WDFY1: variants seen among roughly 807,000 people sequenced by gnomAD.
WDFY1 encodes WD repeat and FYVE domain-containing protein 1.
WDFY1 carries 32 observed loss-of-function variants against 56.4 expected under a neutral mutation model. The ratio of observed to expected loss-of-function variants is 0.57; its 90% CI spans 0.43 to 0.76. The LOEUF is 0.76. Among genes scored for constraint, WDFY1 ranks in the 30% least tolerant of loss-of-function variants. The pLI is 0.00. For missense variants in WDFY1, 480 were observed against 545.7 expected (o/e 0.88, Z 1.20); for synonymous variants, 192 against 197.3 (o/e 0.97, Z 0.23).
rs1359459035 is a variant in WDFY1 at position 223,876,451 on chromosome 2, T to A, written c.*2220A>T. 1 of 152,568 alleles carries A rather than the reference T, an allele frequency of 6.6e-6. No individual in the cohort carries two copies. Among genetic ancestry groups the A allele is most frequent in the Non-Finnish European group, 1.5e-5 (1 of 68,014 alleles). The allele number at this position is 152,568 out of a possible 1,614,324, so 9.5% of individuals were successfully genotyped here. A position where few individuals can be genotyped will look rare whatever the true frequency, so the allele number is the denominator to read the frequency against. On this transcript the variant is annotated 3_prime_UTR_variant, in exon 12 of 12. Transcript: ENST00000233055. ...ACCTAGCATATGAGAGAGACAAGACTAGCCTGTCACGTTTGTCTCTAAAAA... is the reference window on the plus strand; with the variant it reads ...ACCTAGCATATGAGAGAGACAAGACAAGCCTGTCACGTTTGTCTCTAAAAA...
chr2:223,930,634 T>G (rs912107067), intron 1 of WDFY1, among the ~76,000 whole-genome samples: 1 of 152,214 alleles, frequency 6.6e-6, no homozygotes, highest in African/African-American at 2.4e-5. Context: ...GAGCCTTGAA[T>G]ATGGGTTGGC....
At chr2:223,934,121 C>T (rs1283126635) in intron 1 of WDFY1, among the ~76,000 whole-genome samples, 4 of 145,036 alleles carry the variant, frequency 2.8e-5, no homozygotes, top group Middle Eastern at 3.3e-3. Context: ...GAGAATCTCA[C>T]TCTGTCACCC....
rs752328849 is a variant in WDFY1 at position 223,898,933 on chromosome 2, A to ACT, written c.598+23_598+24dup. 5 of 1,600,668 alleles carry ACT rather than the reference A, an allele frequency of 3.1e-6. No individual in the cohort carries two copies. In the South Asian group the frequency reaches 5.5e-5, roughly 18 times the overall value. On this transcript the variant is annotated intron_variant, in intron 6 of 11. Coordinates refer to ENST00000233055, the MANE Select transcript of WDFY1 (RefSeq NM_020830.5). The stretch of plus-strand genomic sequence containing the variant: ...TGGATGTCCAAGTTAGGCAAAAAAA[A>ACT]CTCTTGGGTGATAATATAGCCTACC...
At position 223,901,348 on chromosome 2, in the gene WDFY1, AG is replaced by A. The variant is rs748970006; in HGVS notation, c.335-16del. ...GTTCTGATGAGCTGCAGGAACAGAA[AG>A]GTGAACAGATGTCATCTCCAGAAAC... On this transcript the variant is annotated splice_polypyrimidine_tract_variant and intron_variant, in intron 4 of 11. Transcript: ENST00000233055. 6.2e-7 allele frequency: 1 copy of A among 1,613,802 alleles called. No homozygotes were observed. Among genetic ancestry groups the A allele is most frequent in the Non-Finnish European group, 8.5e-7 (1 of 1,179,834 alleles).
At chr2:223,902,922 T>C (rs1313977258) in intron 4 of WDFY1, among the ~76,000 whole-genome samples, 1 of 152,120 alleles carries the variant, frequency 6.6e-6, no homozygotes, top group Non-Finnish European at 1.5e-5. Flanking sequence ...AACTAGTTTG[T>C]GGTAAAGATG....
intron 1 of WDFY1, among the ~76,000 whole-genome samples, chr2:223,923,189 C>T (rs914721205): frequency 6.6e-6 from 1 of 152,180 alleles, no homozygotes. Flanking sequence ...CCTTCCTCTT[C>T]CAAGACTAAA....
intron 6 of WDFY1, among the ~76,000 whole-genome samples, chr2:223,898,173 A>G (rs1369011144): frequency 6.6e-6 from 1 of 152,136 alleles, no homozygotes; most frequent in Non-Finnish European, 1.5e-5. Context: ...CACTACAGAA[A>G]TGAAATTCCA....
intron 5 of WDFY1, 24 bp from the exon 6 acceptor site, chr2:223,899,094 TAGAAC>T: frequency 6.3e-7 from 1 of 1,598,352 alleles, no homozygotes; most frequent in Non-Finnish European, 8.6e-7. Flanking sequence ...GTCAAGGATG[TAGAAC>T]AGAAATCACC....
chr2:223,898,793 C>T (rs930368174), intron 6 of WDFY1, among the ~76,000 whole-genome samples, 165 bp downstream of exon 6: 2 of 152,172 alleles, frequency 1.3e-5, no homozygotes, highest in Non-Finnish European at 2.9e-5. Flanking sequence ...ATGAACCCAT[C>T]ACCCCACCTT....
intron 2 of WDFY1, 53 bp downstream of exon 2, chr2:223,917,890 T>A (rs1222442453): frequency 5.1e-5 from 81 of 1,598,926 alleles, no homozygotes; most frequent in Non-Finnish European, 6.5e-5. Context: ...GAAATTTAAA[T>A]CATCAAAAAC....
chr2:223,920,243 C>A (rs1295944117), intron 1 of WDFY1, among the ~76,000 whole-genome samples: 1 of 152,220 alleles, frequency 6.6e-6, no homozygotes, highest in Non-Finnish European at 1.5e-5. Context: ...TCCACCAGGG[C>A]CAGCACACCA....
intron 1 of WDFY1, among the ~76,000 whole-genome samples, chr2:223,944,860 G>A (rs1253324613): frequency 6.7e-6 from 1 of 149,768 alleles, no homozygotes; most frequent in East Asian, 2.0e-4. Flanking sequence ...GGGCTTGGGC[G>A]GCGCGGTGAG....
intron 8 of WDFY1, among the ~76,000 whole-genome samples, chr2:223,884,955 C>T (rs1559162344): frequency 1.3e-5 from 2 of 151,442 alleles, no homozygotes; most frequent in Middle Eastern, 3.4e-3. Flanking sequence ...GACTCTCCTG[C>T]CTCAGGCTCC....
At chr2:223,931,677 T>G (rs1027917380) in intron 1 of WDFY1, among the ~76,000 whole-genome samples, 2 of 40,910 alleles carry the variant, frequency 4.9e-5, no homozygotes, top group African/African-American at 1.1e-4. Context: ...GTCATTAATA[T>G]TTTTCTTTCT....
intron 1 of WDFY1, among the ~76,000 whole-genome samples, chr2:223,930,051 G>A (rs981259948): frequency 7.9e-5 from 12 of 152,238 alleles, no homozygotes; most frequent in Admixed American, 2.0e-4. Context: ...AAATAAATCA[G>A]AGTATGGAAA....
At chr2:223,930,035 C>T (rs962142880) in intron 1 of WDFY1, among the ~76,000 whole-genome samples, 2 of 152,132 alleles carry the variant, frequency 1.3e-5, no homozygotes, top group Non-Finnish European at 2.9e-5. Flanking sequence ...ATTACTTTTT[C>T]CCCCCAAATA....
At chr2:223,915,507 T>C (rs1693772408) in intron 2 of WDFY1, among the ~76,000 whole-genome samples, 1 of 152,210 alleles carries the variant, frequency 6.6e-6, no homozygotes, top group Non-Finnish European at 1.5e-5. Flanking sequence ...GAACCAAATA[T>C]GGGACAAAAT....
rs758994716 is a variant in WDFY1, at chr2:223,884,698, A to G, written c.883T>C (p.Phe295Leu). The G allele has an allele frequency of 1.9e-6, 3 of 1,614,048 alleles. No individual in the cohort carries two copies. The highest frequency in any genetic ancestry group is 3.3e-5 in the Admixed American group (2 of 60,006). ...TCCCACATCTGCTTTATGTTCCAGAAAAATGGCTGCTCACATTTCTGACAA... is the reference window on the plus strand; with the variant it reads ...TCCCACATCTGCTTTATGTTCCAGAGAAATGGCTGCTCACATTTCTGACAA... The part of the protein sequence containing the change: ...DSCQKCEQPF[F>L]WNIKQMWDTK... Residue 295 changes from phenylalanine (F) to leucine (L), a missense_variant, in exon 9 of 12, where the codon TTC becomes CTC. By Grantham distance (22) the Phe-to-Leu change is conservative. Transcript: ENST00000233055.
intron 1 of WDFY1, among the ~76,000 whole-genome samples, chr2:223,943,184 TAAA>T (rs11311599): frequency 1.6e-4 from 22 of 137,162 alleles, no homozygotes; most frequent in Non-Finnish European, 2.2e-4. Context: ...GCCTCCATCT[TAAA>T]AAAAAAAAAA....
Sources: gnomAD v4.1 joint callset for allele counts (sites outside exome capture counted in the v4.1 genomes callset) on GRCh38, gnomAD v4.1.1 for gene constraint, MANE v1.5 for transcripts, NCBI Gene and HGNC (gene_info 2026-07-23, HGNC 2026-07-21) for gene names.